WWP1: variants seen among roughly 807,000 people sequenced by gnomAD.
WWP1 encodes NEDD4-like E3 ubiquitin-protein ligase WWP1.
In WWP1, 49 loss-of-function variants were observed where a neutral mutation model predicts 130.6. The observed-to-expected ratio is 0.38, with a 90% CI of 0.30 to 0.48. WWP1 has a LOEUF of 0.48. Among genes scored for constraint, WWP1 ranks in the 20% least tolerant of loss-of-function variants. The pLI is 0.99. For synonymous variants in WWP1, 332 were observed against 367.8 expected (o/e 0.90, Z 1.11); for missense variants, 809 against 1,100.6 (o/e 0.74, Z 3.75).
chr8:86,390,844 T>C (rs947146494), intron 5 of WWP1, among the ~76,000 whole-genome samples: 1 of 152,168 alleles, frequency 6.6e-6, no homozygotes, highest in Non-Finnish European at 1.5e-5. Flanking sequence ...TTTGCAGTTA[T>C]TGAGGTCATT....
chr8:86,432,112 G>A (rs1279271152), intron 14 of WWP1, among the ~76,000 whole-genome samples: 1 of 152,140 alleles, frequency 6.6e-6, no homozygotes, highest in Non-Finnish European at 1.5e-5. Context: ...GGTTTCTAAC[G>A]ATGACAGTCA....
At chr8:86,434,817 A>G (rs1008755795) in intron 14 of WWP1, among the ~76,000 whole-genome samples, 4 of 152,096 alleles carry the variant, frequency 2.6e-5, no homozygotes, top group Non-Finnish European at 4.4e-5. Context: ...ACAAGAGAAC[A>G]TTTTTCATCT....
chr8:86,397,105 A>T lies in WWP1; in HGVS notation c.335-1237A>T, dbSNP rs577395594. Reference sequence around the variant, plus strand: ...TTCTGTACATAGATAACTTGTGAACATATTTATGCTGGACATTTGGTAAAT... The same window carrying T: ...TTCTGTACATAGATAACTTGTGAACTTATTTATGCTGGACATTTGGTAAAT... On this transcript the variant is annotated intron_variant, in intron 5 of 24. Transcript: ENST00000517970. Among the ~76,000 whole-genome samples the T allele has an allele frequency of 2.0e-5, 3 of 152,300 alleles. No homozygotes were observed. The South Asian group carries it at 6.2e-4, about 32-fold the overall frequency.
chr8:86,451,302 C>T (rs1811167099), intron 20 of WWP1, among the ~76,000 whole-genome samples: 1 of 127,444 alleles, frequency 7.8e-6, no homozygotes, highest in South Asian at 2.6e-4. Context: ...ACAGGGAAAA[C>T]AGCAAGAGCA....
intron 1 of WWP1, among the ~76,000 whole-genome samples, chr8:86,365,130 G>A (rs1240403256): frequency 1.3e-5 from 2 of 152,196 alleles, no homozygotes; most frequent in Admixed American, 6.5e-5. Context: ...ATGTATTAAC[G>A]TTAATTAAAA....
At chr8:86,444,227 G>A (rs746284366) in intron 18 of WWP1, among the ~76,000 whole-genome samples, 1 of 152,268 alleles carries the variant, frequency 6.6e-6, no homozygotes, top group Non-Finnish European at 1.5e-5. Context: ...AGATGCAGGG[G>A]TGTGAGAGAG....
At chr8:86,352,957 G>A (rs190893686) in intron 1 of WWP1, among the ~76,000 whole-genome samples, 237 of 152,292 alleles carry the variant, frequency 1.6e-3, no homozygotes, top group African/African-American at 5.3e-3. Context: ...CCTACTAAAA[G>A]TTAAGCTAGA....
At chr8:86,349,465 T>G (rs1213736673) in intron 1 of WWP1, among the ~76,000 whole-genome samples, 2 of 152,356 alleles carry the variant, frequency 1.3e-5, no homozygotes, top group East Asian at 3.9e-4. Flanking sequence ...TGTAACAGAT[T>G]ACCATAAATT....
chr8:86,377,297 C>T (rs1202315087), intron 3 of WWP1, among the ~76,000 whole-genome samples: 5 of 150,856 alleles, frequency 3.3e-5, no homozygotes, highest in African/African-American at 1.2e-4. Context: ...GGGGTTTCAC[C>T]GTGTTGGCCA....
At chr8:86,414,888 C>T (rs1480365573) in intron 9 of WWP1, among the ~76,000 whole-genome samples, 2 of 44,870 alleles carry the variant, frequency 4.5e-5, no homozygotes, top group African/African-American at 2.7e-4. Context: ...ATCCCCCCCC[C>T]ATCCCCCCAC....
At chr8:86,378,711 T>C (rs1824812410) in intron 3 of WWP1, among the ~76,000 whole-genome samples, 1 of 152,216 alleles carries the variant, frequency 6.6e-6, no homozygotes. Context: ...TTATTATCTT[T>C]GAAAAATCTC....
At chr8:86,425,367 T>A in intron 10 of WWP1, 49 bp downstream of exon 10, 1 of 1,469,010 alleles carries the variant, frequency 6.8e-7, no homozygotes, top group Non-Finnish European at 9.4e-7. Context: ...ATCACACATG[T>A]GGTTTTTAAA....
intron 1 of WWP1, among the ~76,000 whole-genome samples, chr8:86,366,448 T>G (rs1281275872): frequency 6.6e-6 from 1 of 152,110 alleles, no homozygotes; most frequent in Non-Finnish European, 1.5e-5. Context: ...AGTAAATGAT[T>G]CGGAGGGCTA....
At chr8:86,419,623 T>C (rs899119672) in intron 9 of WWP1, among the ~76,000 whole-genome samples, 1 of 152,132 alleles carries the variant, frequency 6.6e-6, no homozygotes, top group Non-Finnish European at 1.5e-5. Context: ...TCAGACAGTC[T>C]GATAAGAAAA....
At chr8:86,456,937 A>C (rs1460143912) in intron 21 of WWP1, among the ~76,000 whole-genome samples, 1 of 151,962 alleles carries the variant, frequency 6.6e-6, no homozygotes, top group Non-Finnish European at 1.5e-5. Flanking sequence ...ATCTGTGGTG[A>C]AATCATTGAT....
At chr8:86,454,896 G>A (rs1811356933) in intron 21 of WWP1, among the ~76,000 whole-genome samples, 1 of 152,040 alleles carries the variant, frequency 6.6e-6, no homozygotes, top group Non-Finnish European at 1.5e-5. Flanking sequence ...GTACAGTTAA[G>A]AGTGCTAATC....
At chr8:86,356,510 C>A (rs1823268153) in intron 1 of WWP1, among the ~76,000 whole-genome samples, 1 of 151,140 alleles carries the variant, frequency 6.6e-6, no homozygotes, top group African/African-American at 2.4e-5. Context: ...TATTGTATAA[C>A]AAACTGAGAA....
chr8:86,408,234 T>C (rs1808391027), intron 8 of WWP1, among the ~76,000 whole-genome samples: 1 of 152,226 alleles, frequency 6.6e-6, no homozygotes, highest in Non-Finnish European at 1.5e-5. Flanking sequence ...TTCTCATTTC[T>C]TTTTATCACT....
At chr8:86,374,185 A>T (rs1011371247) in intron 3 of WWP1, 65 bp downstream of exon 3, 25 of 1,282,368 alleles carry the variant, frequency 1.9e-5, no homozygotes, top group Non-Finnish European at 2.6e-5. Context: ...TACCTAATTC[A>T]GCAGACTTAT....
Sources: allele counts gnomAD v4.1 joint callset (sites outside exome capture counted in the v4.1 genomes callset), GRCh38; gene constraint gnomAD v4.1.1; transcripts MANE v1.5; gene names NCBI Gene and HGNC (gene_info 2026-07-23, HGNC 2026-07-21).